The following ZFHX3 variants were observed in gnomAD, a reference collection of about 807,000 sequenced individuals.
The protein encoded by ZFHX3 is zinc finger homeobox protein 3.
ZFHX3 carries 42 observed loss-of-function variants against 279.1 expected under a neutral mutation model. The observed-to-expected ratio is 0.15, with a 90% CI of 0.12 to 0.19. ZFHX3 has a LOEUF of 0.19. Among genes scored for constraint, ZFHX3 ranks in the 10% least tolerant of loss-of-function variants. ZFHX3 has a pLI of 1.00. For synonymous variants in ZFHX3, 2,293 were observed against 1,957.8 expected (o/e 1.17, Z -4.52); for missense variants, 4,981 against 4,754.0 (o/e 1.05, Z -1.40).
intron 4 of ZFHX3, among the ~76,000 whole-genome samples, chr16:72,833,595 A>C (rs2143742962): frequency 6.6e-6 from 1 of 152,328 alleles, no homozygotes; most frequent in African/African-American, 2.4e-5. Context: ...TTCTCCTTCA[A>C]GCATTTAATG....
At position 73,314,281 on chromosome 16, in the gene ZFHX3, G is replaced by C. The variant is rs1401456573; in HGVS notation, c.-1194+3959C>G. On this transcript the variant is annotated intron_variant, in intron 4 of 17. Coordinates refer to the ZFHX3 transcript ENST00000641206. Reference sequence around the variant, plus strand: ...ATCAGCACTCCTGAGTCTTGAGCCTGCTGGCCAACCCTGCAAATTTTGGAC... The same window carrying C: ...ATCAGCACTCCTGAGTCTTGAGCCTCCTGGCCAACCCTGCAAATTTTGGAC... Among the ~76,000 whole-genome samples, 6 of 152,206 alleles carry C rather than the reference G, an allele frequency of 3.9e-5. No individual in the cohort carries two copies. The South Asian group carries it at 8.3e-4, about 21-fold the overall frequency.
intron 1 of ZFHX3, among the ~76,000 whole-genome samples, chr16:73,843,909 G>A (rs1961379588): frequency 6.6e-6 from 1 of 152,134 alleles, no homozygotes; most frequent in Non-Finnish European, 1.5e-5. Context: ...AATGAAATCT[G>A]GATTTTGTGT....
At chr16:73,027,863 C>A (rs1964566336) in intron 1 of ZFHX3, among the ~76,000 whole-genome samples, 1 of 152,224 alleles carries the variant, frequency 6.6e-6, no homozygotes, top group African/African-American at 2.4e-5. Flanking sequence ...TGATATACTG[C>A]CCCTCCTGTG....
intron 8 of ZFHX3, among the ~76,000 whole-genome samples, chr16:73,064,724 G>A (rs1965725149): frequency 6.6e-6 from 1 of 152,086 alleles, no homozygotes; most frequent in South Asian, 2.1e-4. Context: ...AATACATGGC[G>A]CATTGTGAAA....
At chr16:73,010,040 A>AAAAAAAAAAAAAAC (rs1416241740) in intron 1 of ZFHX3, among the ~76,000 whole-genome samples, 1 of 150,932 alleles carries the variant, frequency 6.6e-6, no homozygotes. Context: ...AAAAAAAAAA[A>AAAAAAAAAAAAAAC]AAACTCATAA....
intron 1 of ZFHX3, among the ~76,000 whole-genome samples, chr16:73,840,735 C>G (rs1273566071): frequency 1.3e-5 from 2 of 152,208 alleles, no homozygotes; most frequent in African/African-American, 4.8e-5. Flanking sequence ...CATTATGCAA[C>G]ATGCCTATAA....
At chr16:73,603,784 T>C (rs1321245718) in intron 2 of ZFHX3, among the ~76,000 whole-genome samples, 1 of 148,596 alleles carries the variant, frequency 6.7e-6, no homozygotes, top group Non-Finnish European at 1.5e-5. Flanking sequence ...TTTTTTTTTT[T>C]TTTTTTTGAG....
At position 72,794,644 on chromosome 16, in the gene ZFHX3, A is replaced by G; in HGVS notation, c.8038T>C (p.Leu2680=). The G allele has an allele frequency of 6.2e-7, 1 of 1,614,212 alleles. No individual in the cohort carries two copies. The stretch of plus-strand genomic sequence containing the variant: ...CAGACTTGTACCACACGTTTCTTCA[A>G]GCCCACCTCGTGTGCAATGTGATCC... ...MLDHIAHEVG[L]KKRVVQVWFQ... The change falls in exon 9 of 10, where the codon TTG becomes CTG. Residue 2680 remains leucine, a synonymous_variant. Transcript: ENST00000268489. The surrounding 1 kb of genome is among the most constrained non-coding windows in gnomAD (Gnocchi z 4.2).
At chr16:73,692,146 A>C (rs2053155274) in intron 1 of ZFHX3, among the ~76,000 whole-genome samples, 1 of 152,188 alleles carries the variant, frequency 6.6e-6, no homozygotes, top group South Asian at 2.1e-4. Context: ...CTCTTCAAGA[A>C]GCGGACCTTA....
intron 5 of ZFHX3, among the ~76,000 whole-genome samples, chr16:72,819,332 C>T (rs542572581): frequency 1.3e-5 from 2 of 152,088 alleles, no homozygotes; most frequent in South Asian, 4.1e-4. Context: ...CCTAACCCAG[C>T]AAGGGCTCAG....
chr16:73,544,072 G>A (rs190861432), intron 2 of ZFHX3: 1 of 152,178 alleles, frequency 6.6e-6, no homozygotes, highest in Non-Finnish European at 1.5e-5. Flanking sequence ...ATGAAGCATC[G>A]ATCGACTGCA....
At chr16:73,878,002 T>C (rs952863880) in intron 1 of ZFHX3, among the ~76,000 whole-genome samples, 1 of 151,950 alleles carries the variant, frequency 6.6e-6, no homozygotes. Context: ...GAAATATATA[T>C]ACATATATAT....
intron 1 of ZFHX3, among the ~76,000 whole-genome samples, chr16:73,027,650 C>T (rs1371959605): frequency 6.6e-6 from 1 of 152,178 alleles, no homozygotes; most frequent in Admixed American, 6.5e-5. Context: ...ATGACACCCT[C>T]TATCCTCCCC....
At chr16:73,673,349 T>C (rs2052922739) in intron 2 of ZFHX3, among the ~76,000 whole-genome samples, 2 of 152,178 alleles carry the variant, frequency 1.3e-5, no homozygotes, top group African/African-American at 2.4e-5. Context: ...TATGACATAG[T>C]TTGTTTCATA....
intron 5 of ZFHX3, among the ~76,000 whole-genome samples, chr16:73,150,155 C>T (rs1966905572): frequency 6.6e-6 from 1 of 152,138 alleles, no homozygotes; most frequent in Non-Finnish European, 1.5e-5. Flanking sequence ...TGGATGGAGG[C>T]TCCAGGCCCC....
chr16:73,391,848 A>G (rs8060956), intron 3 of ZFHX3, among the ~76,000 whole-genome samples: 1 of 151,892 alleles, frequency 6.6e-6, no homozygotes, highest in South Asian at 2.1e-4. Context: ...GATGATGCAC[A>G]CAACCGGGGA....
intron 2 of ZFHX3, among the ~76,000 whole-genome samples, chr16:73,642,231 G>A (rs778350408): frequency 6.6e-6 from 1 of 152,114 alleles, no homozygotes; most frequent in Non-Finnish European, 1.5e-5. Flanking sequence ...CCTACTCTAC[G>A]ATGGATTCTT....
At chr16:73,489,830 T>G (rs896698978) in intron 2 of ZFHX3, among the ~76,000 whole-genome samples, 2 of 152,104 alleles carry the variant, frequency 1.3e-5, no homozygotes, top group African/African-American at 4.8e-5. Context: ...AAAACAAAGC[T>G]CATAGTAATT....
At chr16:73,309,676 G>T (rs188189237) in intron 4 of ZFHX3, among the ~76,000 whole-genome samples, 3 of 152,174 alleles carry the variant, frequency 2.0e-5, no homozygotes, top group Non-Finnish European at 4.4e-5. Flanking sequence ...CTGGGGCAGG[G>T]TCTCAGAGCC....
Sources: allele counts gnomAD v4.1 joint callset (sites outside exome capture counted in the v4.1 genomes callset), GRCh38; gene constraint gnomAD v4.1.1; non-coding constraint Gnocchi (gnomAD v3.1); transcripts MANE v1.5; gene names NCBI Gene and HGNC (gene_info 2026-07-23, HGNC 2026-07-21).